STBD1: variants seen among roughly 807,000 people sequenced by gnomAD.
The protein encoded by STBD1 is starch-binding domain-containing protein 1.
Under a neutral mutation model 10.5 loss-of-function variants are expected in STBD1, and 13 were observed. That is an observed-to-expected ratio of 1.24 (90% CI 0.81 to 1.97). STBD1 has a LOEUF of 1.97. STBD1 is among the 30% of genes most tolerant of loss of function. The pLI is 0.00. For missense variants in STBD1, 427 were observed against 435.6 expected, an observed-to-expected ratio of 0.98 and a Z score of 0.17; for synonymous variants, 146 against 160.2, an observed-to-expected ratio of 0.91 and a Z score of 0.67.
chr4:76,309,885 G>A lies in STBD1; in HGVS notation c.962G>A (p.Trp321Ter), dbSNP rs1464690644. 3.1e-6 allele frequency: 5 copies of A among 1,614,192 alleles called. No individual in the cohort carries two copies. The South Asian group carries it at 5.5e-5, about 18-fold the overall frequency. The change falls in exon 2 of 2, where the codon TGG (tryptophan) becomes TAG (stop). Residue 321 changes from tryptophan (W) to a stop codon, truncating the protein, a stop_gained. Coordinates refer to ENST00000237642, the MANE Select transcript of STBD1 (RefSeq NM_003943.5). LOFTEE classifies it high-confidence loss of function. ...IFLPADTVVE[W>*]KFVLVENGGV... is the part of the protein sequence containing the mutation. ...CTGCCTGCAGATACAGTGGTGGAGT[G>A]GAAGTTTGTGTTGGTAGAGAATGGG...
Position 76,310,087 on chromosome 4 carries a change from T to C in STBD1, c.*87T>C. On this transcript the variant is annotated 3_prime_UTR_variant, in exon 2 of 2. Transcript: ENST00000237642. ...CACACTGAATAAAATAAAGGCAGTGTGACTCCAAATTCAGCCATCTGAATT... is the reference window on the plus strand; with the variant it reads ...CACACTGAATAAAATAAAGGCAGTGCGACTCCAAATTCAGCCATCTGAATT... 1.3e-6 allele frequency: 2 copies of C among 1,491,540 alleles called. No homozygotes were observed. The highest frequency in any genetic ancestry group is 1.8e-6 in the Non-Finnish European group (2 of 1,120,910). The allele number at this position is 1,491,540 out of a possible 1,614,324, so 92.4% of individuals were successfully genotyped here.
At chr4:76,308,749 A>G (rs955395242) in intron 1 of STBD1, among the ~76,000 whole-genome samples, 1 of 152,242 alleles carries the variant, frequency 6.6e-6, no homozygotes, top group Non-Finnish European at 1.5e-5. Context: ...GTAGCCACGC[A>G]GCCCTTTGCC....
chr4:76,306,952 C>A lies in STBD1; in HGVS notation c.183C>A (p.Ser61Arg), dbSNP rs1718787764. 1.2e-6 allele frequency: 2 copies of A among 1,608,438 alleles called. No individual in the cohort carries two copies. The highest frequency in any genetic ancestry group is 2.2e-5 in the South Asian group (2 of 90,048). ...ATCAGAGTGGCAGCAGCGGACTGAG[C>A]CCTGGACCTTCCGGGCAGGAGCTGG... ...GGHQSGSSGL[S>R]PGPSGQELVT... is the part of the protein sequence containing the mutation. Residue 61 changes from serine (S) to arginine (R), a missense_variant, in exon 1 of 2, where the codon AGC (serine) becomes AGA (arginine). Transcript: ENST00000237642.
intron 1 of STBD1, among the ~76,000 whole-genome samples, chr4:76,307,342 G>C (rs550066606): frequency 2.0e-5 from 3 of 152,222 alleles, no homozygotes; most frequent in Non-Finnish European, 4.4e-5. Flanking sequence ...CTTTGGAAAG[G>C]GGGGCTTAGG....
rs764890275 is a variant in STBD1 at position 76,309,996 on chromosome 4, A to G, written c.1073A>G (p.His358Arg). Residue 358 changes from histidine to arginine, a missense_variant, in exon 2 of 2, where the codon CAC (histidine) becomes CGC (arginine). Coordinates refer to ENST00000237642, the MANE Select transcript of STBD1 (RefSeq NM_003943.5). ...DKVVHAWWGIH is the reference protein window; with the variant it reads ...DKVVHAWWGIR ...GTGGTTCACGCATGGTGGGGGATTCACTGATTCAGTTTGCAAAGTAATGGA... is the reference window on the plus strand; with the variant it reads ...GTGGTTCACGCATGGTGGGGGATTCGCTGATTCAGTTTGCAAAGTAATGGA... 1.6e-5 allele frequency: 26 copies of G among 1,607,844 alleles called. No individual in the cohort carries two copies. The African/African-American group carries it at 2.4e-4, about 15-fold the overall frequency.
In STBD1 at chr4:76,309,421, T is replaced by C; in HGVS notation, c.498T>C (p.Ala166=). ...QKGQEISAKA[A]TCFAEKLPSS... The stretch of plus-strand genomic sequence containing the variant: ...GACAAGAGATATCTGCTAAAGCAGC[T>C]ACATGTTTTGCAGAGAAGTTGCCTT... Residue 166 remains alanine (A), a synonymous_variant, in exon 2 of 2, where the codon GCT becomes GCC. Transcript: ENST00000237642. 1 of 1,614,226 alleles carries C rather than the reference T, an allele frequency of 6.2e-7. No homozygotes were observed. Among genetic ancestry groups the C allele is most frequent in the Non-Finnish European group, 8.5e-7 (1 of 1,180,050 alleles).
At chr4:76,309,119 T>C in intron 1 of STBD1, 25 bp from the exon 2 acceptor site, 1 of 1,544,220 alleles carries the variant, frequency 6.5e-7, no homozygotes, top group Non-Finnish European at 8.7e-7. Context: ...CCTGACTCTA[T>C]TACATTTTTC....
At chr4:76,307,455 G>A (rs1205121512) in intron 1 of STBD1, among the ~76,000 whole-genome samples, 1 of 152,234 alleles carries the variant, frequency 6.6e-6, no homozygotes, top group Non-Finnish European at 1.5e-5. Context: ...AGCCCATGAA[G>A]AGCTGGGTTT....
intron 1 of STBD1, 99 bp from the exon 2 acceptor site, chr4:76,309,045 T>C: frequency 6.8e-7 from 1 of 1,474,620 alleles, no homozygotes. Flanking sequence ...GCAGATTGAT[T>C]AGTAGTAAAG....
At chr4:76,309,023 A>G (rs749667642) in intron 1 of STBD1, 121 bp from the exon 2 acceptor site, 4 of 1,350,180 alleles carry the variant, frequency 3.0e-6, no homozygotes, top group Non-Finnish European at 4.0e-6. Context: ...ATAGAGGGGG[A>G]CTTTGTGAAT....
chr4:76,309,113 A>G (rs750016146), intron 1 of STBD1, 31 bp from the exon 2 acceptor site: 2 of 1,534,490 alleles, frequency 1.3e-6, no homozygotes, highest in South Asian at 1.3e-5. Flanking sequence ...GAACTACCTG[A>G]CTCTATTACA....
At position 76,309,951 on chromosome 4, in the gene STBD1, A is replaced by G; in HGVS notation, c.1028A>G (p.Glu343Gly). ...RWEECSNRFL[E>G]TGHEDKVVHA... The stretch of plus-strand genomic sequence containing the variant: ...GAAGAATGCAGCAATAGATTCCTAG[A>G]AACTGGCCATGAGGATAAAGTGGTT... The change falls in exon 2 of 2, where the codon GAA becomes GGA. Residue 343 changes from glutamate to glycine, a missense_variant. Coordinates refer to ENST00000237642, the MANE Select transcript of STBD1 (RefSeq NM_003943.5). 6.2e-7 allele frequency: 1 copy of G among 1,613,860 alleles called. No homozygotes were observed.
Position 76,310,060 on chromosome 4 carries a change from A to C in STBD1, c.*60A>C, listed in dbSNP as rs1386680650. ...AATGTGGAAGAGGCTGAGGTTGTGG[A>C]ACACACTGAATAAAATAAAGGCAGT... On this transcript the variant is annotated 3_prime_UTR_variant, in exon 2 of 2. Coordinates refer to ENST00000237642, the MANE Select transcript of STBD1 (RefSeq NM_003943.5). 1 of 1,538,232 alleles carries C rather than the reference A, an allele frequency of 6.5e-7. No individual in the cohort carries two copies. The highest frequency in any genetic ancestry group is 1.4e-5 in the African/African-American group (1 of 73,356).
Position 76,306,986 on chromosome 4 carries a change from C to T in STBD1, c.217C>T (p.Pro73Ser). ...GPSGQELVTK[P>S]EHLQESNGHL... ...TTCCGGGCAGGAGCTGGTCACCAAACCAGGTATTCTTCCCCCCGTGACTCC... is the reference window on the plus strand; with the variant it reads ...TTCCGGGCAGGAGCTGGTCACCAAATCAGGTATTCTTCCCCCCGTGACTCC... Residue 73 changes from proline to serine, a missense_variant, in exon 1 of 2, where the codon CCA becomes TCA. Transcript: ENST00000237642. The T allele has an allele frequency of 6.3e-7, 1 of 1,587,836 alleles. No homozygotes were observed. The highest frequency in any genetic ancestry group is 1.1e-5 in the South Asian group (1 of 87,604).
intron 1 of STBD1, 90 bp from the exon 2 acceptor site, chr4:76,309,054 A>G (rs1718863425): frequency 6.7e-7 from 1 of 1,499,998 alleles, no homozygotes; most frequent in Non-Finnish European, 8.9e-7. Context: ...TTAGTAGTAA[A>G]GCTTTCAGTA....
chr4:76,309,385 A>G lies in STBD1; in HGVS notation c.462A>G (p.Gly154=). Residue 154 remains glycine (G), a synonymous_variant, in exon 2 of 2, where the codon GGA becomes GGG. Coordinates refer to ENST00000237642, the MANE Select transcript of STBD1 (RefSeq NM_003943.5). ...TTGAATCTCCTATGGGAGAATGGGG[A>G]TTCCAAAAAGGACAAGAGATATCTG... ...ESLESPMGEW[G]FQKGQEISAK... 6.2e-7 allele frequency: 1 copy of G among 1,613,370 alleles called. No individual in the cohort carries two copies. Among genetic ancestry groups the G allele is most frequent in the Non-Finnish European group, 8.5e-7 (1 of 1,179,780 alleles).
In STBD1 at chr4:76,309,842, T is replaced by C. The variant is rs777857567; in HGVS notation, c.919T>C (p.Trp307Arg). 2 of 1,614,270 alleles carry C rather than the reference T, an allele frequency of 1.2e-6. No homozygotes were observed. The highest frequency in any genetic ancestry group is 1.7e-6 in the Non-Finnish European group (2 of 1,180,054). ...ACTCCACTATAACAAGGATGGGTTCTGGTCTCATTCCATTTTCCTGCCTGC... is the reference window on the plus strand; with the variant it reads ...ACTCCACTATAACAAGGATGGGTTCCGGTCTCATTCCATTTTCCTGCCTGC... ...IPLHYNKDGF[W>R]SHSIFLPADT... The change falls in exon 2 of 2, where the codon TGG becomes CGG. Residue 307 changes from tryptophan (W) to arginine (R), a missense_variant. Coordinates refer to ENST00000237642, the MANE Select transcript of STBD1 (RefSeq NM_003943.5).
chr4:76,309,063 T>G, intron 1 of STBD1, 81 bp from the exon 2 acceptor site: 2 of 1,507,400 alleles, frequency 1.3e-6, no homozygotes, highest in Non-Finnish European at 1.8e-6. Context: ...AAGCTTTCAG[T>G]AACTAAATCT....
chr4:76,307,593 A>C (rs1261638174), intron 1 of STBD1, among the ~76,000 whole-genome samples: 1 of 152,184 alleles, frequency 6.6e-6, no homozygotes, highest in Non-Finnish European at 1.5e-5. Context: ...CACCCCTTTC[A>C]GCACTGTCGG....
Sources: allele counts gnomAD v4.1 joint callset (sites outside exome capture counted in the v4.1 genomes callset), GRCh38; gene constraint gnomAD v4.1.1; transcripts MANE v1.5; gene names NCBI Gene and HGNC (gene_info 2026-07-23, HGNC 2026-07-21).